DGKB: variants seen among roughly 807,000 people sequenced by gnomAD.
The protein encoded by DGKB is 90 kDa diacylglycerol kinase.
DGKB carries 67 observed loss-of-function variants against 114.3 expected under a neutral mutation model. The ratio of observed to expected loss-of-function variants is 0.59; its 90% CI spans 0.48 to 0.72. The LOEUF (loss-of-function observed/expected upper bound fraction) is 0.72, where lower values mean the gene tolerates loss of function less well. Among genes scored for constraint, DGKB ranks in the 30% least tolerant of loss-of-function variants. The probability of loss-of-function intolerance (pLI) is 0.00; values close to 1 mark genes in which losing one functional copy is unlikely to be tolerated. For missense variants in DGKB, 907 were observed against 975.2 expected (o/e 0.93, Z 0.93); for synonymous variants, 398 against 323.1 (o/e 1.23, Z -2.49).
intron 20 of DGKB, among the ~76,000 whole-genome samples, chr7:14,519,812 A>G (rs956906474): frequency 2.0e-5 from 3 of 151,996 alleles, no homozygotes; most frequent in East Asian, 1.9e-4. Context: ...AATAATGTTG[A>G]TCACATCTTC....
At chr7:14,961,338 G>A (rs17168553) in intron 1 of DGKB, among the ~76,000 whole-genome samples, 2,324 of 152,004 alleles carry the variant, frequency 0.015, 42 homozygotes, top group African/African-American at 0.053. Flanking sequence ...TGCTGATAAC[G>A]CCAAGACTCT....
In DGKB at chr7:14,238,342, A is replaced by G. The variant is rs542763119; in HGVS notation, c.2123-60191T>C. On this transcript the variant is annotated intron_variant, in intron 23 of 25. Coordinates refer to ENST00000402815, the MANE Select transcript of DGKB (RefSeq NM_001350709.2). ...CTCTTTCTTGCTCTGACATGTGAAG[A>G]CTGTGCCTTGCTTCTTCTTCTGCCC... Among the ~76,000 whole-genome samples, 23 of 152,016 alleles carry G rather than the reference A, an allele frequency of 1.5e-4. No homozygotes were observed. In the East Asian group the frequency reaches 3.3e-3, roughly 22 times the overall value.
At chr7:14,253,713 C>G (rs1795570331) in intron 23 of DGKB, among the ~76,000 whole-genome samples, 1 of 151,982 alleles carries the variant, frequency 6.6e-6, no homozygotes. Context: ...CTAAAATGAC[C>G]TCTTTACTTT....
At chr7:14,308,784 T>A (rs2108511) in intron 23 of DGKB, among the ~76,000 whole-genome samples, 100,367 of 152,036 alleles carry the variant, frequency 0.66, 34,106 homozygotes, top group South Asian at 0.74. Context: ...TATGCCAGGA[T>A]AGAATGAGGT....
intron 13 of DGKB, among the ~76,000 whole-genome samples, chr7:14,666,208 T>C (rs1817988769): frequency 6.6e-6 from 1 of 152,018 alleles, no homozygotes; most frequent in African/African-American, 2.4e-5. Context: ...TGTCAGGTAA[T>C]GAAGGACATT....
chr7:14,524,046 A>G (rs1444476613), intron 20 of DGKB, among the ~76,000 whole-genome samples: 5 of 152,132 alleles, frequency 3.3e-5, no homozygotes, highest in African/African-American at 9.7e-5. Flanking sequence ...AAATCAGCTG[A>G]TAATTTTGGA....
At chr7:14,298,831 TA>T (rs1803021504) in intron 23 of DGKB, among the ~76,000 whole-genome samples, 1 of 152,016 alleles carries the variant, frequency 6.6e-6, no homozygotes, top group Non-Finnish European at 1.5e-5. Context: ...ACAAAGAACT[TA>T]AACAAATTTA....
At chr7:14,251,191 ATTTC>A (rs1197145429) in intron 23 of DGKB, among the ~76,000 whole-genome samples, 1 of 151,946 alleles carries the variant, frequency 6.6e-6, no homozygotes, top group Non-Finnish European at 1.5e-5. Context: ...ACTGCTTTGC[ATTTC>A]TTTCTTTCTT....
intron 2 of DGKB, among the ~76,000 whole-genome samples, chr7:14,824,994 G>GTA (rs201905687): frequency 0.19 from 23,433 of 120,600 alleles, 2,378 homozygotes; most frequent in South Asian, 0.27. Context: ...ATATATGTGT[G>GTA]TATATATATA....
intron 4 of DGKB, among the ~76,000 whole-genome samples, chr7:14,747,219 G>T (rs559769612): frequency 6.9e-6 from 1 of 144,004 alleles, no homozygotes; most frequent in Non-Finnish European, 1.5e-5. Context: ...CTAAGAGAAG[G>T]TCTCTCTCTG....
At chr7:14,857,679 A>T (rs1291744774) in intron 1 of DGKB, among the ~76,000 whole-genome samples, 1 of 152,048 alleles carries the variant, frequency 6.6e-6, no homozygotes, top group Non-Finnish European at 1.5e-5. Flanking sequence ...CTGCCTATTT[A>T]TATCATTTTT....
At chr7:14,387,184 G>C (rs895441494) in intron 21 of DGKB, among the ~76,000 whole-genome samples, 1 of 151,884 alleles carries the variant, frequency 6.6e-6, no homozygotes, top group African/African-American at 2.4e-5. Flanking sequence ...AGCACTTTGG[G>C]AGGCCAAGTT....
At chr7:14,532,104 TTTTAGA>T (rs1791687450) in intron 20 of DGKB, among the ~76,000 whole-genome samples, 1 of 151,402 alleles carries the variant, frequency 6.6e-6, no homozygotes. Context: ...ACTGTAGTAC[TTTTAGA>T]ATAAAATATA....
At chr7:14,922,390 G>T (rs12113952) in intron 1 of DGKB, among the ~76,000 whole-genome samples, 3 of 80,802 alleles carry the variant, frequency 3.7e-5, no homozygotes, top group Non-Finnish European at 6.8e-5. Flanking sequence ...GTGTGTGTGT[G>T]TGTGTGTGTG....
intron 21 of DGKB, among the ~76,000 whole-genome samples, chr7:14,390,565 T>C (rs1239590384): frequency 6.6e-6 from 1 of 152,190 alleles, no homozygotes; most frequent in African/African-American, 2.4e-5. Flanking sequence ...ATACACTTAA[T>C]TTTTATATTA....
Position 14,328,057 on chromosome 7 carries a change from T to G in DGKB, c.2122+10458A>C, listed in dbSNP as rs568243267. ...GTTTTATCACAAATTCCATGAAACT[T>G]TCTTTCAGTAAATCTAAAAATGGAA... On this transcript the variant is annotated intron_variant, in intron 23 of 25. Coordinates refer to ENST00000402815, the MANE Select transcript of DGKB (RefSeq NM_001350709.2). 3.9e-5 allele frequency among the ~76,000 whole-genome samples: 6 copies of G among 152,232 alleles called. No individual in the cohort carries two copies. The South Asian group carries it at 1.2e-3, about 32-fold the overall frequency.
chr7:14,726,515 T>G (rs1308033001), intron 5 of DGKB, among the ~76,000 whole-genome samples: 2 of 152,242 alleles, frequency 1.3e-5, no homozygotes, highest in Admixed American at 1.3e-4. Context: ...CTTCTGCCTC[T>G]CAATAAAAGA....
chr7:14,511,335 C>T (rs1787947638), intron 20 of DGKB, among the ~76,000 whole-genome samples: 1 of 152,152 alleles, frequency 6.6e-6, no homozygotes, highest in African/African-American at 2.4e-5. Flanking sequence ...CACTTGCTTG[C>T]TGTGTCACCT....
intron 23 of DGKB, among the ~76,000 whole-genome samples, chr7:14,288,580 C>G (rs1050564730): frequency 6.6e-6 from 1 of 152,016 alleles, no homozygotes; most frequent in Admixed American, 6.6e-5. Flanking sequence ...CCTTTTCCTC[C>G]CTTGCAAAGT....
Sources: gnomAD v4.1 joint callset for allele counts (sites outside exome capture counted in the v4.1 genomes callset) on GRCh38, gnomAD v4.1.1 for gene constraint, MANE v1.5 for transcripts, NCBI Gene and HGNC (gene_info 2026-07-23, HGNC 2026-07-21) for gene names.